Variants in FGD5 observed in about 807,000 individuals in gnomAD.
The protein encoded by FGD5 is FYVE, RhoGEF and PH domain containing 5, also known as FYVE, RhoGEF and PH domain-containing protein 5.
In FGD5, 28 loss-of-function variants were observed where a neutral mutation model predicts 133.4. The ratio of observed to expected loss-of-function variants is 0.21; its 90% CI spans 0.16 to 0.29. FGD5 has a LOEUF of 0.29. Ranked by LOEUF, FGD5 falls within the 10% of genes least tolerant of loss-of-function variation. The pLI is 1.00. For missense variants in FGD5, 1,858 were observed against 1,895.2 expected (o/e 0.98, Z 0.36); for synonymous variants, 810 against 776.5 (o/e 1.04, Z -0.72).
rs572270825 is a variant in FGD5 at position 14,848,269 on chromosome 3, C to T, written c.2526-15859C>T. 2.0e-4 allele frequency among the ~76,000 whole-genome samples: 31 copies of T among 152,178 alleles called. No homozygotes were observed. The South Asian group carries it at 5.2e-3, about 26-fold the overall frequency. On this transcript the variant is annotated intron_variant, in intron 1 of 19. Transcript: ENST00000285046. ...CTTCCTGGGCAGCCCTGCCCTTCCC[C>T]GCGCCTCTTCCCTCCAAGACTGCCA...
chr3:14,814,115 G>A (rs2036335639), upstream of FGD5, among the ~76,000 whole-genome samples: 1 of 152,002 alleles, frequency 6.6e-6, no homozygotes, highest in African/African-American at 2.4e-5. Flanking sequence ...AGGAGGGTCC[G>A]ACCCCCAGGC....
chr3:14,920,341 C>T (rs1381330974), intron 13 of FGD5: 2 of 152,036 alleles, frequency 1.3e-5, no homozygotes, highest in Non-Finnish European at 2.9e-5. Flanking sequence ...CATGCACTCT[C>T]ATAGATGCAT....
At chr3:14,810,823 C>T (rs150181286), upstream of FGD5, 10,407 of 984,598 alleles carry the variant, frequency 0.011, 828 homozygotes, top group African/African-American at 0.16. Context: ...ACTGAAACGC[C>T]GACGGCGGCC....
chr3:14,878,445 G>A (rs2037761777), intron 2 of FGD5, among the ~76,000 whole-genome samples: 1 of 151,952 alleles, frequency 6.6e-6, no homozygotes, highest in Non-Finnish European at 1.5e-5. Flanking sequence ...TCTATCCCTG[G>A]TTACTTGGTT....
intron 4 of FGD5, among the ~76,000 whole-genome samples, chr3:14,885,887 G>A (rs1188172755): frequency 1.3e-5 from 2 of 152,224 alleles, no homozygotes; most frequent in East Asian, 3.9e-4. Context: ...AGACCATTGA[G>A]ATAGGAGAGA....
intron 2 of FGD5, among the ~76,000 whole-genome samples, chr3:14,873,763 C>G (rs908440183): frequency 1.1e-4 from 16 of 151,572 alleles, no homozygotes; most frequent in African/African-American, 3.9e-4. Context: ...GTTCTGTCAC[C>G]CAGGCTGGAG....
At chr3:14,842,257 CTT>C (rs2125086245) in intron 1 of FGD5, among the ~76,000 whole-genome samples, 1 of 152,326 alleles carries the variant, frequency 6.6e-6, no homozygotes, top group South Asian at 2.1e-4. Flanking sequence ...CTGGAAGTGA[CTT>C]TACTGGGGGA....
At chr3:14,893,906 G>A (rs1038011644) in intron 4 of FGD5, among the ~76,000 whole-genome samples, 6 of 151,366 alleles carry the variant, frequency 4.0e-5, no homozygotes, top group African/African-American at 7.3e-5. Context: ...TACAGGCACC[G>A]GCCATCAGAC....
At chr3:14,925,388 T>C (rs2038781219) in intron 17 of FGD5, among the ~76,000 whole-genome samples, 1 of 151,936 alleles carries the variant, frequency 6.6e-6, no homozygotes, top group African/African-American at 2.4e-5. Context: ...CATAATCACA[T>C]ATATGTATAA....
chr3:14,918,119 T>C (rs762570572), intron 12 of FGD5, among the ~76,000 whole-genome samples: 1 of 152,266 alleles, frequency 6.6e-6, no homozygotes, highest in Non-Finnish European at 1.5e-5. Flanking sequence ...TGTGTGGGGC[T>C]TAGCTCCGTG....
Position 14,917,837 on chromosome 3 carries a change from C to G in FGD5, c.3489+505C>G, listed in dbSNP as rs902586979. ...TTAAAAACCAACTCTCCATTCCCCT[C>G]CTTCTCAGCCCCTGGCACCTACCAT... On this transcript the variant is annotated intron_variant, in intron 12 of 19. Coordinates refer to ENST00000285046, the MANE Select transcript of FGD5 (RefSeq NM_152536.4). This position sits in a 1 kb window ranked among gnomAD's most constrained non-coding sequence, Gnocchi z 4.1. 2.0e-5 allele frequency among the ~76,000 whole-genome samples: 3 copies of G among 152,234 alleles called. No homozygotes were observed. The highest frequency in any genetic ancestry group is 2.9e-5 in the Non-Finnish European group (2 of 68,040).
intron 1 of FGD5, among the ~76,000 whole-genome samples, chr3:14,858,442 G>A (rs1408655110): frequency 6.6e-6 from 1 of 152,106 alleles, no homozygotes; most frequent in African/African-American, 2.4e-5. Flanking sequence ...TGGGTAGGTA[G>A]TTGGGTTAGA....
Position 14,820,594 on chromosome 3 carries a change from C to T in FGD5, c.1523C>T (p.Ser508Leu). 1 of 1,607,636 alleles carries T rather than the reference C, an allele frequency of 6.2e-7. No homozygotes were observed. The highest frequency in any genetic ancestry group is 8.5e-7 in the Non-Finnish European group (1 of 1,176,646). ...GAAACCGGACCTGAGGCGGGCTCGT[C>T]AGCCCCTGGCATTGGAGGTGCCGCA... ...PEETGPEAGS[S>L]APGIGGAAEE... The change falls in exon 1 of 20, where the codon TCA becomes TTA. Residue 508 changes from serine to leucine, a missense_variant. This residue lies in a region of FGD5 where 1,824 missense variants were observed against 1,848.9 expected (regional missense o/e 0.99). Transcript: ENST00000285046.
chr3:14,885,620 T>C (rs894370372), intron 4 of FGD5, among the ~76,000 whole-genome samples: 1 of 152,214 alleles, frequency 6.6e-6, no homozygotes, highest in Non-Finnish European at 1.5e-5. Flanking sequence ...AACACTTATC[T>C]GTGGCCACTC....
At chr3:14,859,077 A>G (rs2125100806) in intron 1 of FGD5, among the ~76,000 whole-genome samples, 1 of 152,370 alleles carries the variant, frequency 6.6e-6, no homozygotes, top group African/African-American at 2.4e-5. Flanking sequence ...GTGGAAGTGC[A>G]TATTTTAAAG....
At chr3:14,883,665 C>T (rs1372465736) in intron 4 of FGD5, among the ~76,000 whole-genome samples, 2 of 152,202 alleles carry the variant, frequency 1.3e-5, no homozygotes, top group African/African-American at 4.8e-5. Context: ...CCTTGGAGCC[C>T]CAAAGCTGAA....
chr3:14,847,768 G>C (rs1330464536), intron 1 of FGD5, among the ~76,000 whole-genome samples: 2 of 152,198 alleles, frequency 1.3e-5, no homozygotes, highest in Non-Finnish European at 2.9e-5. Flanking sequence ...TCTCACCTTC[G>C]AGAGCTCAGT....
Position 14,922,235 on chromosome 3 carries a change from G to A in FGD5, c.3670-176G>A. 9.2e-7 allele frequency: 1 copy of A among 1,085,858 alleles called. No homozygotes were observed. The highest frequency in any genetic ancestry group is 1.3e-6 in the Non-Finnish European group (1 of 760,562). The allele number at this position is 1,085,858 out of a possible 1,614,324, so 67.3% of individuals were successfully genotyped here. A position where few individuals can be genotyped will look rare whatever the true frequency, so the allele number is the denominator to read the frequency against. On this transcript the variant is annotated intron_variant, in intron 14 of 19. Coordinates refer to ENST00000285046, the MANE Select transcript of FGD5 (RefSeq NM_152536.4). The surrounding 1 kb of genome is among the most constrained non-coding windows in gnomAD (Gnocchi z 4.1). ...ACAGTCTTGTTCTCACAGTCTGGCT[G>A]TTTCCCAACCAAGGGTGAGCATCCT... is the stretch of plus-strand genomic sequence containing the variant.
chr3:14,810,737 C>T, upstream of FGD5: 2 of 905,398 alleles, frequency 2.2e-6, no homozygotes, highest in African/African-American at 1.8e-5. Context: ...GCCGGGCGGG[C>T]GCCAGGGGGT....
Sources: allele counts gnomAD v4.1 joint callset (sites outside exome capture counted in the v4.1 genomes callset), GRCh38; gene constraint gnomAD v4.1.1; regional missense constraint gnomAD v4.1.1; non-coding constraint Gnocchi (gnomAD v3.1); transcripts MANE v1.5; gene names NCBI Gene and HGNC (gene_info 2026-07-23, HGNC 2026-07-21).